The following DPP10 variants were observed in gnomAD, a reference collection of about 807,000 sequenced individuals.
DPP10 encodes dipeptidyl peptidase like 10.
Under a neutral mutation model 120.9 loss-of-function variants are expected in DPP10, and 33 were observed. The observed-to-expected ratio is 0.27, with a 90% confidence interval of 0.21 to 0.37. The LOEUF is 0.37. DPP10 is among the 10% of genes least tolerant of loss of function. The probability of loss-of-function intolerance (pLI) is 1.00; values close to 1 mark genes in which losing one functional copy is unlikely to be tolerated. For synonymous variants in DPP10, 337 were observed against 326.1 expected (o/e 1.03, Z -0.36); for missense variants, 816 against 942.8 (o/e 0.87, Z 1.76).
chr2:114,449,066 G>A (rs1373039855), intron 1 of DPP10, among the ~76,000 whole-genome samples: 1 of 152,110 alleles, frequency 6.6e-6, no homozygotes, highest in Non-Finnish European at 1.5e-5. Flanking sequence ...TTGGTTTGGG[G>A]CCATCTGGTA....
chr2:114,518,110 G>A (rs975755241), intron 1 of DPP10, among the ~76,000 whole-genome samples: 1 of 111,160 alleles, frequency 9.0e-6, no homozygotes, highest in Non-Finnish European at 1.7e-5. Context: ...ATAGAGTCCT[G>A]CTCTATCACC....
intron 1 of DPP10, among the ~76,000 whole-genome samples, chr2:115,159,788 G>A (rs746833963): frequency 3.3e-5 from 5 of 152,100 alleles, no homozygotes; most frequent in African/African-American, 4.8e-5. Flanking sequence ...GTCTTTATTT[G>A]TAATGAAGTG....
intron 17 of DPP10, among the ~76,000 whole-genome samples, chr2:115,789,067 G>A (rs560233705): frequency 8.8e-4 from 134 of 151,940 alleles, no homozygotes; most frequent in African/African-American, 2.9e-3. Flanking sequence ...GCAGTGAGCC[G>A]AGATCACACC....
intron 1 of DPP10, among the ~76,000 whole-genome samples, chr2:114,825,127 G>C (rs1284363908): frequency 6.6e-6 from 1 of 152,166 alleles, no homozygotes; most frequent in African/African-American, 2.4e-5. Flanking sequence ...TTTTTGCTGA[G>C]AGCTTTGGTA....
intron 1 of DPP10, among the ~76,000 whole-genome samples, chr2:114,802,674 C>T (rs1418008212): frequency 6.6e-6 from 1 of 152,140 alleles, no homozygotes; most frequent in Non-Finnish European, 1.5e-5. Context: ...CCATGGGAGT[C>T]AGGAATTTGC....
intron 1 of DPP10, among the ~76,000 whole-genome samples, chr2:114,617,966 C>G (rs1246659506): frequency 6.6e-6 from 1 of 152,054 alleles, no homozygotes; most frequent in East Asian, 1.9e-4. Flanking sequence ...GATCACCCAC[C>G]ACCACTGCTC....
intron 1 of DPP10, among the ~76,000 whole-genome samples, chr2:114,898,740 G>C (rs1368451202): frequency 6.6e-6 from 1 of 152,156 alleles, no homozygotes. Context: ...GATTTCACAA[G>C]AATGCAGCTC....
chr2:114,654,898 G>A (rs901900965), intron 1 of DPP10, among the ~76,000 whole-genome samples: 1 of 152,128 alleles, frequency 6.6e-6, no homozygotes, highest in Non-Finnish European at 1.5e-5. Flanking sequence ...GGGGATACTG[G>A]TGTGAGTTCT....
chr2:114,852,881 C>T (rs1026042289), intron 1 of DPP10, among the ~76,000 whole-genome samples: 1 of 152,058 alleles, frequency 6.6e-6, no homozygotes, highest in African/African-American at 2.4e-5. Context: ...GCTTTTCCTC[C>T]CAAATACGCA....
rs533006869 is a variant in DPP10, at chr2:114,657,217, C to T, written c.60+214379C>T. Among the ~76,000 whole-genome samples the T allele has an allele frequency of 3.6e-4, 55 of 152,134 alleles. No homozygotes were observed. In the South Asian group the frequency reaches 0.011, roughly 31 times the overall value. ...TTTCTAAGAAAATGTGTAATATAAC[C>T]TATTCTCCTTCTATTTTCACGTTCT... On this transcript the variant is annotated intron_variant, in intron 1 of 25. Coordinates refer to ENST00000410059, the MANE Select transcript of DPP10 (RefSeq NM_020868.6).
intron 5 of DPP10, among the ~76,000 whole-genome samples, chr2:115,631,694 G>A (rs961760822): frequency 5.3e-5 from 8 of 152,132 alleles, no homozygotes; most frequent in East Asian, 3.8e-4. Context: ...GGAGCAGGTT[G>A]TTCAATTTTC....
intron 3 of DPP10, among the ~76,000 whole-genome samples, chr2:115,464,784 C>A (rs1053957678): frequency 6.6e-6 from 1 of 152,066 alleles, no homozygotes. Flanking sequence ...CTTATGGAAT[C>A]CTTGCCACAT....
chr2:114,822,492 C>T (rs948661982), intron 1 of DPP10, among the ~76,000 whole-genome samples: 1 of 152,142 alleles, frequency 6.6e-6, no homozygotes, highest in South Asian at 2.1e-4. Context: ...TCCCCGTTGT[C>T]TTGGTGATTA....
chr2:115,589,849 T>C (rs1324213139), intron 5 of DPP10, among the ~76,000 whole-genome samples: 1 of 152,120 alleles, frequency 6.6e-6, no homozygotes, highest in Admixed American at 6.6e-5. Flanking sequence ...TTACAATGGA[T>C]AGTTTCTGCC....
chr2:114,751,441 G>T (rs917711400), intron 1 of DPP10, among the ~76,000 whole-genome samples: 2 of 152,202 alleles, frequency 1.3e-5, no homozygotes, highest in African/African-American at 4.8e-5. Flanking sequence ...ACCTGTTTGG[G>T]CTGAGAAATG....
chr2:114,992,159 A>G (rs1700787066), intron 1 of DPP10, among the ~76,000 whole-genome samples: 1 of 152,326 alleles, frequency 6.6e-6, no homozygotes, highest in East Asian at 1.9e-4. Context: ...TATTTTACTC[A>G]TAGGTTGAAG....
At chr2:114,965,411 C>T (rs1405167741) in intron 1 of DPP10, among the ~76,000 whole-genome samples, 1 of 152,016 alleles carries the variant, frequency 6.6e-6, no homozygotes, top group Admixed American at 6.6e-5. Context: ...AGCTGGATTA[C>T]AAGCCTGATC....
At chr2:114,936,353 G>GTA (rs1297473201) in intron 1 of DPP10, among the ~76,000 whole-genome samples, 18 of 150,964 alleles carry the variant, frequency 1.2e-4, no homozygotes, top group African/African-American at 1.5e-4. Flanking sequence ...GTTCGATAGT[G>GTA]TATATATATA....
chr2:115,674,173 C>T (rs554623336), intron 5 of DPP10, among the ~76,000 whole-genome samples: 110 of 151,882 alleles, frequency 7.2e-4, no homozygotes, highest in Middle Eastern at 3.4e-3. Context: ...TGCAGTGAGC[C>T]GAGATCATGC....
Sources: allele counts gnomAD v4.1 joint callset (sites outside exome capture counted in the v4.1 genomes callset), GRCh38; gene constraint gnomAD v4.1.1; transcripts MANE v1.5; gene names NCBI Gene and HGNC (gene_info 2026-07-23, HGNC 2026-07-21).